Variants in CFAP61 observed in about 807,000 individuals in gnomAD.
The protein encoded by CFAP61 is cilia- and flagella-associated protein 61.
In CFAP61, 107 loss-of-function variants were observed where a neutral mutation model predicts 135.6. The observed-to-expected ratio is 0.79, with a 90% CI of 0.67 to 0.93. The LOEUF is 0.93. Ranked by LOEUF, CFAP61 falls within the 40% of genes least tolerant of loss-of-function variation. CFAP61 has a pLI of 0.00. For synonymous variants in CFAP61, 575 were observed against 578.5 expected, an observed-to-expected ratio of 0.99 and a Z score of 0.09; for missense variants, 1,507 against 1,556.2, an observed-to-expected ratio of 0.97 and a Z score of 0.53.
chr20:20,074,763 A>G (rs1317487490), intron 4 of CFAP61, among the ~76,000 whole-genome samples: 1 of 152,234 alleles, frequency 6.6e-6, no homozygotes, highest in East Asian at 1.9e-4. Flanking sequence ...GGATGCATGG[A>G]AAATGACCAG....
Position 20,206,802 on chromosome 20 carries a change from G to A in CFAP61, c.1932+6900G>A, listed in dbSNP as rs372383038. Among the ~76,000 whole-genome samples the A allele has an allele frequency of 4.6e-5, 7 of 152,144 alleles. No homozygotes were observed. In the East Asian group the frequency reaches 1.4e-3, roughly 29 times the overall value. On this transcript the variant is annotated intron_variant, in intron 17 of 26. Transcript: ENST00000245957. Reference sequence around the variant, plus strand: ...TGGGGGGCGGTGTCTATACCTACAAGTGGGACTGCTGGGTCACATGGTAAC... The same window carrying A: ...TGGGGGGCGGTGTCTATACCTACAAATGGGACTGCTGGGTCACATGGTAAC...
chr20:20,224,951 T>C (rs2146941457), intron 17 of CFAP61, among the ~76,000 whole-genome samples: 1 of 152,266 alleles, frequency 6.6e-6, no homozygotes, highest in Non-Finnish European at 1.5e-5. Flanking sequence ...ATGAAGGAAA[T>C]AAGACCCAAA....
intron 8 of CFAP61, among the ~76,000 whole-genome samples, chr20:20,137,377 T>G (rs1472987638): frequency 1.3e-5 from 2 of 152,140 alleles, no homozygotes; most frequent in Non-Finnish European, 2.9e-5. Context: ...AGATGCTGTC[T>G]GGGAGCCAGA....
intron 17 of CFAP61, chr20:20,201,020 A>G: frequency 1.1e-6 from 1 of 911,026 alleles, no homozygotes; most frequent in Non-Finnish European, 1.3e-6. Context: ...GTGAGTAGAG[A>G]CTGTTCATAT....
intron 25 of CFAP61, among the ~76,000 whole-genome samples, chr20:20,323,792 A>T (rs2057639168): frequency 6.6e-6 from 1 of 152,160 alleles, no homozygotes; most frequent in South Asian, 2.1e-4. Flanking sequence ...CCAATTGTTA[A>T]TTTTTTTGGT....
intron 26 of CFAP61, among the ~76,000 whole-genome samples, chr20:20,347,882 G>A (rs953678331): frequency 3.5e-5 from 5 of 141,256 alleles, no homozygotes; most frequent in Non-Finnish European, 1.5e-5. Flanking sequence ...TCAGTGAGCC[G>A]AGATCATGCC....
chr20:20,152,288 A>G (rs1320579953), intron 9 of CFAP61, among the ~76,000 whole-genome samples: 1 of 152,180 alleles, frequency 6.6e-6, no homozygotes, highest in Non-Finnish European at 1.5e-5. Context: ...CACAGGGCCT[A>G]TAAAACAATA....
intron 25 of CFAP61, among the ~76,000 whole-genome samples, chr20:20,316,258 C>T (rs1039516857): frequency 6.6e-6 from 1 of 152,004 alleles, no homozygotes; most frequent in African/African-American, 2.4e-5. Flanking sequence ...CTTTCACATC[C>T]CTTGTAAGTT....
intron 13 of CFAP61, among the ~76,000 whole-genome samples, chr20:20,176,938 T>C (rs1399219120): frequency 6.6e-6 from 1 of 152,210 alleles, no homozygotes; most frequent in Non-Finnish European, 1.5e-5. Flanking sequence ...CTATAAAACA[T>C]ATAAGCCATA....
At position 20,322,552 on chromosome 20, in the gene CFAP61, G is replaced by A. The variant is rs193160202; in HGVS notation, c.3423-19279G>A. The A allele has an allele frequency of 8.7e-6, 3 of 345,728 alleles. No individual in the cohort carries two copies. The Admixed American group carries it at 1.9e-4, about 22-fold the overall frequency. 21.4% of individuals were successfully genotyped at this position (345,728 alleles called of 1,614,324 possible). A position where few individuals can be genotyped will look rare whatever the true frequency, so the allele number is the denominator to read the frequency against. ...TATCTAAGCCCCCTTCTCAATTCTTGTTCTCCCACATAGTAAGCCAGTGTA... is the reference window on the plus strand; with the variant it reads ...TATCTAAGCCCCCTTCTCAATTCTTATTCTCCCACATAGTAAGCCAGTGTA... On this transcript the variant is annotated intron_variant, in intron 25 of 26. Coordinates refer to ENST00000245957, the MANE Select transcript of CFAP61 (RefSeq NM_015585.4).
chr20:20,347,047 T>C (rs2058660597), intron 26 of CFAP61, among the ~76,000 whole-genome samples: 1 of 152,224 alleles, frequency 6.6e-6, no homozygotes, highest in Non-Finnish European at 1.5e-5. Flanking sequence ...TTAAAATTAT[T>C]ATATTCTCCA....
chr20:20,068,384 C>T (rs1181295942), intron 2 of CFAP61, among the ~76,000 whole-genome samples: 1 of 152,200 alleles, frequency 6.6e-6, no homozygotes, highest in African/African-American at 2.4e-5. Context: ...TACAGGTAGA[C>T]GGAAGTTAAG....
rs1007790809 is a variant in CFAP61, at chr20:20,086,794, C to T, written c.567-4050C>T. Among the ~76,000 whole-genome samples the T allele has an allele frequency of 4.6e-5, 7 of 152,182 alleles. No individual in the cohort carries two copies. In the South Asian group the frequency reaches 8.3e-4, roughly 18 times the overall value. On this transcript the variant is annotated intron_variant, in intron 6 of 26. Transcript: ENST00000245957. ...ATTTTCCGTGGTTGGGAAGATGCCA[C>T]ACCTTGGCCGTAAGAATTAGCACCA...
intron 13 of CFAP61, among the ~76,000 whole-genome samples, chr20:20,185,823 A>G (rs1052726060): frequency 1.3e-5 from 2 of 152,194 alleles, no homozygotes; most frequent in Non-Finnish European, 2.9e-5. Flanking sequence ...TTAGACACCT[A>G]TACATATGGT....
At position 20,059,023 on chromosome 20, in the gene CFAP61, G is replaced by T. The variant is rs1407536227; in HGVS notation, c.143+2227G>T. ...GTTTACTATGTCTAAAATAAAAAAG[G>T]TAGGTTTAAAAAGATGATTAAAGAA... On this transcript the variant is annotated intron_variant, in intron 2 of 26. Transcript: ENST00000245957. Among the ~76,000 whole-genome samples the T allele has an allele frequency of 5.3e-5, 8 of 152,112 alleles. No individual in the cohort carries two copies. The East Asian group carries it at 1.5e-3, about 29-fold the overall frequency.
At chr20:20,291,649 C>T (rs931426922) in intron 24 of CFAP61, among the ~76,000 whole-genome samples, 1 of 152,170 alleles carries the variant, frequency 6.6e-6, no homozygotes, top group Admixed American at 6.5e-5. Context: ...GTCAATGGAG[C>T]AAGTAGATTG....
chr20:20,283,273 G>T (rs1388602496), intron 22 of CFAP61, among the ~76,000 whole-genome samples: 2 of 152,068 alleles, frequency 1.3e-5, no homozygotes, highest in African/African-American at 2.4e-5. Flanking sequence ...CTTGTGAATT[G>T]TGCCTTTTAT....
chr20:20,090,941 G>T lies in CFAP61; in HGVS notation c.664G>T (p.Ala222Ser), dbSNP rs146792381. 6 of 1,614,006 alleles carry T rather than the reference G, an allele frequency of 3.7e-6. No individual in the cohort carries two copies. Among genetic ancestry groups the T allele is most frequent in the African/African-American group, 1.3e-5 (1 of 74,908 alleles). Residue 222 changes from alanine (A) to serine (S), a missense_variant, in exon 7 of 27, where the codon GCC (alanine) becomes TCC (serine). Coordinates refer to ENST00000245957, the MANE Select transcript of CFAP61 (RefSeq NM_015585.4). The stretch of plus-strand genomic sequence containing the variant: ...ATACTTCCTGGCCGAACTAATAGAG[G>T]CCCAAGATGAAGAGAATCATGCTGT... ...GEYFLAELIE[A>S]QDEENHAVVC...
intron 3 of CFAP61, chr20:20,074,029 C>G (rs564437500): frequency 1.8e-5 from 8 of 447,816 alleles, no homozygotes; most frequent in Non-Finnish European, 3.2e-5. Context: ...GCAGCTCATT[C>G]GTGAGGGCAG....
Sources: gnomAD v4.1 joint callset for allele counts (sites outside exome capture counted in the v4.1 genomes callset) on GRCh38, gnomAD v4.1.1 for gene constraint, MANE v1.5 for transcripts, NCBI Gene and HGNC (gene_info 2026-07-23, HGNC 2026-07-21) for gene names.